RARB: variants seen among roughly 807,000 people sequenced by gnomAD.
The protein encoded by RARB is retinoic acid receptor beta.
A neutral mutation model predicts 51.9 loss-of-function variants in RARB; 17 were observed. The ratio of observed to expected loss-of-function variants is 0.33; its 90% CI spans 0.22 to 0.49. The LOEUF (loss-of-function observed/expected upper bound fraction) is 0.49, where lower values mean the gene tolerates loss of function less well. Among genes scored for constraint, RARB ranks in the 20% least tolerant of loss-of-function variants. RARB has a pLI of 0.99. For missense variants in RARB, 369 were observed against 550.8 expected (o/e 0.67, Z 3.30); for synonymous variants, 215 against 195.4 (o/e 1.10, Z -0.84).
intron 3 of RARB, among the ~76,000 whole-genome samples, chr3:25,063,707 A>T (rs1170997952): frequency 6.7e-6 from 1 of 150,040 alleles, no homozygotes; most frequent in Non-Finnish European, 1.5e-5. Context: ...GTAGTTTGAG[A>T]CTTTTTTTTT....
rs191790930 is a variant in RARB at position 25,318,171 on chromosome 3, C to T, written c.179-143022C>T. Among the ~76,000 whole-genome samples the T allele has an allele frequency of 1.1e-4, 16 of 152,288 alleles. No homozygotes were observed. The East Asian group carries it at 3.1e-3, about 29-fold the overall frequency. ...TCTGCCATTTCTTTTTCTCTTTCCT[C>T]CCTCTTTATGTATAGCTGAGTTCAG... is the stretch of plus-strand genomic sequence containing the variant. On this transcript the variant is annotated intron_variant, in intron 5 of 11. Coordinates refer to the RARB transcript ENST00000383772.
chr3:25,282,948 T>G (rs1703560659), intron 5 of RARB, among the ~76,000 whole-genome samples: 3 of 152,132 alleles, frequency 2.0e-5, no homozygotes. Context: ...GAGGGTAAAA[T>G]GAAAGCTGTG....
intron 3 of RARB, among the ~76,000 whole-genome samples, chr3:25,561,338 C>T (rs1440587523): frequency 1.3e-5 from 2 of 152,278 alleles, no homozygotes; most frequent in East Asian, 1.9e-4. Flanking sequence ...CATTTGGGCA[C>T]GTGTTACTGT....
At chr3:25,019,513 C>A (rs1464815832) in intron 2 of RARB, among the ~76,000 whole-genome samples, 2 of 151,770 alleles carry the variant, frequency 1.3e-5, no homozygotes, top group Admixed American at 1.3e-4. Flanking sequence ...TTATAACCTT[C>A]TAAAAATAAT....
At chr3:24,966,109 TTTG>T (rs10546166) in intron 2 of RARB, among the ~76,000 whole-genome samples, 87,946 of 150,072 alleles carry the variant, frequency 0.59, 25,665 homozygotes, top group Admixed American at 0.66. Flanking sequence ...TTTTTTTTTT[TTTG>T]GTTATTTTAG....
At chr3:25,512,385 G>C (rs1301549244) in intron 3 of RARB, among the ~76,000 whole-genome samples, 1 of 152,210 alleles carries the variant, frequency 6.6e-6, no homozygotes, top group African/African-American at 2.4e-5. Context: ...AGCAGTTTCA[G>C]CTCTGAGCCA....
intron 3 of RARB, among the ~76,000 whole-genome samples, chr3:25,113,498 G>A (rs559839714): frequency 1.3e-5 from 2 of 152,248 alleles, no homozygotes; most frequent in South Asian, 4.1e-4. Context: ...AGGCCTAAGA[G>A]AAAGATCATT....
intron 5 of RARB, among the ~76,000 whole-genome samples, chr3:25,300,747 T>A (rs1704019263): frequency 6.6e-6 from 1 of 152,068 alleles, no homozygotes; most frequent in African/African-American, 2.4e-5. Flanking sequence ...CTCAGCACTT[T>A]GGGAGGCCGA....
At position 25,104,182 on chromosome 3, in the gene RARB, G is replaced by A. The variant is rs187089923; in HGVS notation, c.-327-27979G>A. Among the ~76,000 whole-genome samples, 388 of 152,176 alleles carry A rather than the reference G, an allele frequency of 2.5e-3. 1 individual carries two copies. Among genetic ancestry groups the A allele is most frequent in the African/African-American group, 8.9e-3 (369 of 41,520 alleles). On this transcript the variant is annotated intron_variant, in intron 3 of 11. Coordinates refer to the RARB transcript ENST00000383772. ...ATTAAAACCACAATGTGATTATACC[G>A]TACACCTGCCTGAATGGCTAAATTG...
At chr3:25,438,310 A>T (rs1322714997) in intron 1 of RARB, among the ~76,000 whole-genome samples, 1 of 151,738 alleles carries the variant, frequency 6.6e-6, no homozygotes, top group Non-Finnish European at 1.5e-5. Context: ...TCTGCTGGTG[A>T]AGCAGACACA....
At chr3:25,231,851 C>T (rs1240496712) in intron 5 of RARB, among the ~76,000 whole-genome samples, 1 of 152,076 alleles carries the variant, frequency 6.6e-6, no homozygotes, top group Non-Finnish European at 1.5e-5. Flanking sequence ...TTTCTTTTCA[C>T]TTCATAGCAG....
At chr3:25,484,254 C>G (rs774328136) in intron 2 of RARB, among the ~76,000 whole-genome samples, 1 of 152,138 alleles carries the variant, frequency 6.6e-6, no homozygotes, top group African/African-American at 2.4e-5. Context: ...TTTCCTACCA[C>G]CCTTGTAACA....
At chr3:25,191,894 C>A (rs879364493) in intron 5 of RARB, among the ~76,000 whole-genome samples, 1 of 152,068 alleles carries the variant, frequency 6.6e-6, no homozygotes, top group Non-Finnish European at 1.5e-5. Context: ...TTTGCTGATG[C>A]GTAAGTTTTC....
At chr3:25,120,415 A>G (rs76519640) in intron 3 of RARB, among the ~76,000 whole-genome samples, 2,962 of 152,218 alleles carry the variant, frequency 0.019, 83 homozygotes, top group African/African-American at 0.058. Flanking sequence ...AGTAAACACC[A>G]TCTTTTAAAA....
At chr3:25,480,814 G>A (rs757586936) in intron 2 of RARB, among the ~76,000 whole-genome samples, 5 of 152,154 alleles carry the variant, frequency 3.3e-5, no homozygotes, top group Non-Finnish European at 7.4e-5. Flanking sequence ...GTGTAGCAAA[G>A]ATAGTAGCTG....
chr3:25,573,606 T>C (rs1273832439), intron 4 of RARB, among the ~76,000 whole-genome samples: 1 of 152,248 alleles, frequency 6.6e-6, no homozygotes, highest in East Asian at 1.9e-4. Flanking sequence ...TTAAAATCCT[T>C]TCTGGAAGTC....
intron 3 of RARB, among the ~76,000 whole-genome samples, chr3:25,090,050 G>C (rs1414307922): frequency 6.6e-6 from 1 of 152,082 alleles, no homozygotes; most frequent in Admixed American, 6.6e-5. Flanking sequence ...ATGACAGAAA[G>C]CAGGAATTAA....
chr3:24,876,786 G>A (rs942592308), intron 2 of RARB, among the ~76,000 whole-genome samples: 10 of 152,162 alleles, frequency 6.6e-5, no homozygotes, highest in East Asian at 3.9e-4. Flanking sequence ...ATTTTCTTAC[G>A]TATGGAAACA....
intron 3 of RARB, among the ~76,000 whole-genome samples, chr3:25,123,105 C>T (rs1015664514): frequency 2.6e-5 from 4 of 152,104 alleles, no homozygotes; most frequent in East Asian, 1.9e-4. Context: ...CTTGGGGTGT[C>T]GGCAGGGAGG....
Sources: gnomAD v4.1 joint callset for allele counts (sites outside exome capture counted in the v4.1 genomes callset) on GRCh38, gnomAD v4.1.1 for gene constraint, MANE v1.5 for transcripts, NCBI Gene and HGNC (gene_info 2026-07-23, HGNC 2026-07-21) for gene names.